Variants in ACYP2 observed in about 807,000 individuals in gnomAD.
The protein encoded by ACYP2 is acylphosphatase 2, also known as acylphosphatase-2.
A neutral mutation model predicts 11.2 loss-of-function variants in ACYP2; 12 were observed. The observed-to-expected ratio is 1.08, with a 90% CI of 0.69 to 1.74. The LOEUF is 1.74. Among genes scored for constraint, ACYP2 ranks in the 40% most tolerant of loss-of-function variants. The pLI, the probability that ACYP2 is intolerant of heterozygous loss-of-function variation, is 0.00. For missense variants in ACYP2, 134 were observed against 101.9 expected (o/e 1.31, Z -1.35); for synonymous variants, 43 against 32.2 (o/e 1.33, Z -1.13).
At chr2:54,059,911 A>C (rs1268475210) in intron 4 of ACYP2, among the ~76,000 whole-genome samples, 1 of 152,238 alleles carries the variant, frequency 6.6e-6, no homozygotes, top group Non-Finnish European at 1.5e-5. Context: ...AGTTGCTACC[A>C]GCAAGTTTGA....
Position 54,019,968 on chromosome 2 carries a change from A to G in ACYP2, c.63-30990A>G, listed in dbSNP as rs562958652. ...TTTTGTTTGTTTGTTTTTGAGACGG[A>G]ATCTCACTCTTTTGCCAATGCTGGA... On this transcript the variant is annotated intron_variant, in intron 2 of 6. Coordinates refer to ENST00000607452, the MANE Select transcript of ACYP2 (RefSeq NM_001320586.2). 6.6e-5 allele frequency among the ~76,000 whole-genome samples: 10 copies of G among 151,802 alleles called. No homozygotes were observed. In the East Asian group the frequency reaches 1.9e-3, roughly 29 times the overall value.
At chr2:54,075,348 A>G (rs1287873652) in intron 4 of ACYP2, among the ~76,000 whole-genome samples, 1 of 152,058 alleles carries the variant, frequency 6.6e-6, no homozygotes, top group East Asian at 1.9e-4. Context: ...AAAATACAAA[A>G]ATTAGCTGGG....
chr2:54,222,253 A>G (rs1685828127), intron 6 of ACYP2, among the ~76,000 whole-genome samples: 2 of 152,090 alleles, frequency 1.3e-5, no homozygotes, highest in Admixed American at 1.3e-4. Context: ...GAACTAGGAG[A>G]AAAATAGAAT....
chr2:54,004,265 G>A (rs1672943988), intron 2 of ACYP2, among the ~76,000 whole-genome samples: 1 of 152,024 alleles, frequency 6.6e-6, no homozygotes, highest in Non-Finnish European at 1.5e-5. Flanking sequence ...GGGATTACAG[G>A]CATGAGCCAC....
intron 4 of ACYP2, among the ~76,000 whole-genome samples, chr2:54,120,657 C>T (rs1481573248): frequency 6.6e-6 from 1 of 152,200 alleles, no homozygotes; most frequent in Non-Finnish European, 1.5e-5. Flanking sequence ...GCCCACTGGG[C>T]TTACTCTGCC....
chr2:54,096,054 T>C (rs1213905369), intron 4 of ACYP2, among the ~76,000 whole-genome samples: 2 of 109,354 alleles, frequency 1.8e-5, no homozygotes, highest in Admixed American at 8.8e-5. Context: ...GGCGGGGGGC[T>C]GACCCCCACC....
chr2:54,231,128 G>A (rs777474682), intron 6 of ACYP2, among the ~76,000 whole-genome samples: 12 of 152,112 alleles, frequency 7.9e-5, no homozygotes, highest in African/African-American at 1.2e-4. Context: ...CACCGCGCCC[G>A]GCCAAACCAA....
chr2:54,091,314 A>T (rs1181717156), intron 4 of ACYP2, among the ~76,000 whole-genome samples: 1 of 152,170 alleles, frequency 6.6e-6, no homozygotes, highest in Non-Finnish European at 1.5e-5. Flanking sequence ...AATAGTAGGA[A>T]ATCAATATAT....
At chr2:53,994,545 A>C (rs1164388158) in intron 2 of ACYP2, among the ~76,000 whole-genome samples, 1 of 150,156 alleles carries the variant, frequency 6.7e-6, no homozygotes, top group Non-Finnish European at 1.5e-5. Context: ...GGAAACTGGC[A>C]GGAAAGAGGT....
chr2:54,155,503 C>G (rs1682388605), intron 6 of ACYP2, among the ~76,000 whole-genome samples: 1 of 152,186 alleles, frequency 6.6e-6, no homozygotes, highest in Non-Finnish European at 1.5e-5. Context: ...CACTTCCTGC[C>G]AGATCAGTGG....
intron 3 of ACYP2, among the ~76,000 whole-genome samples, chr2:54,053,952 G>A (rs1675993298): frequency 6.6e-6 from 1 of 152,218 alleles, no homozygotes; most frequent in Admixed American, 6.5e-5. Context: ...TCAAGAAAGG[G>A]AAGAAAGCAA....
intron 4 of ACYP2, among the ~76,000 whole-genome samples, chr2:54,072,317 T>C (rs1677085648): frequency 2.0e-5 from 3 of 152,124 alleles, no homozygotes; most frequent in Admixed American, 2.0e-4. Flanking sequence ...TTATTTTATT[T>C]TATTTTTGTG....
intron 2 of ACYP2, among the ~76,000 whole-genome samples, chr2:54,020,965 A>T (rs1011812997): frequency 6.6e-6 from 1 of 152,214 alleles, no homozygotes; most frequent in Admixed American, 6.5e-5. Context: ...TTTTCTCAGC[A>T]AGGCAATTTT....
chr2:53,993,627 G>A (rs1257325015), intron 2 of ACYP2, among the ~76,000 whole-genome samples: 4 of 151,784 alleles, frequency 2.6e-5, no homozygotes, highest in Admixed American at 2.6e-4. Context: ...AACCTGGGAG[G>A]CAGAGGATGC....
intron 2 of ACYP2, among the ~76,000 whole-genome samples, chr2:54,000,576 C>G (rs1672752642): frequency 6.6e-6 from 1 of 152,176 alleles, no homozygotes; most frequent in Non-Finnish European, 1.5e-5. Flanking sequence ...CTTGAAACAA[C>G]AAATTAATTT....
Position 54,230,137 on chromosome 2 carries a change from T to C in ACYP2, c.405-74551T>C, listed in dbSNP as rs144506125. On this transcript the variant is annotated intron_variant, in intron 6 of 6. Transcript: ENST00000607452. ...TATACCTTGAAATTGCCCTGCAAAG[T>C]TTCTTGTGGGAAAAATCCACATTCT... Among the ~76,000 whole-genome samples, 739 of 152,290 alleles carry C rather than the reference T, an allele frequency of 4.9e-3. 12 individuals are homozygous for C. The highest frequency in any genetic ancestry group is 0.017 in the African/African-American group (704 of 41,556).
chr2:54,155,281 A>C (rs1682377545), intron 6 of ACYP2, among the ~76,000 whole-genome samples: 1 of 151,372 alleles, frequency 6.6e-6, no homozygotes, highest in African/African-American at 2.4e-5. Flanking sequence ...TTGTTTTTCT[A>C]GTCTCTATTT....
At chr2:54,126,847 G>A (rs986632345) in intron 4 of ACYP2, among the ~76,000 whole-genome samples, 18 of 151,990 alleles carry the variant, frequency 1.2e-4, no homozygotes, top group East Asian at 7.8e-4. Context: ...CCAGCTACCC[G>A]GGAGGGTGAG....
intron 6 of ACYP2, chr2:54,267,198 T>A: frequency 7.7e-7 from 1 of 1,301,100 alleles, no homozygotes; most frequent in African/African-American, 1.5e-5. Flanking sequence ...AAGAAAATGT[T>A]TTTTAGGGGC....
Sources: allele counts gnomAD v4.1 joint callset (sites outside exome capture counted in the v4.1 genomes callset), GRCh38; gene constraint gnomAD v4.1.1; transcripts MANE v1.5; gene names NCBI Gene and HGNC (gene_info 2026-07-23, HGNC 2026-07-21).